Variants in CNTNAP4 observed in about 807,000 individuals in gnomAD.
CNTNAP4 encodes contactin-associated protein-like 4.
In CNTNAP4, 98 loss-of-function variants were observed where a neutral mutation model predicts 148.4. That is an observed-to-expected ratio of 0.66 (90% confidence interval 0.56 to 0.78). CNTNAP4 has a LOEUF of 0.78. Among genes scored for constraint, CNTNAP4 ranks in the 30% least tolerant of loss-of-function variants. CNTNAP4 has a pLI of 0.00. For synonymous variants in CNTNAP4, 730 were observed against 565.1 expected (o/e 1.29, Z -4.14); for missense variants, 1,935 against 1,565.6 (o/e 1.24, Z -3.98).
At chr16:76,512,089 G>T (rs1339838960) in intron 15 of CNTNAP4, among the ~76,000 whole-genome samples, 1 of 152,070 alleles carries the variant, frequency 6.6e-6, no homozygotes, top group East Asian at 1.9e-4. Flanking sequence ...ACAGAAATGG[G>T]GTGTAGATGG....
chr16:76,362,386 A>G (rs896754736), intron 3 of CNTNAP4, among the ~76,000 whole-genome samples: 1 of 152,224 alleles, frequency 6.6e-6, no homozygotes, highest in African/African-American at 2.4e-5. Context: ...ATTTTGTTAC[A>G]GAAATAGAAA....
At chr16:76,330,578 A>C (rs1467427245) in intron 2 of CNTNAP4, among the ~76,000 whole-genome samples, 1 of 152,216 alleles carries the variant, frequency 6.6e-6, no homozygotes, top group Non-Finnish European at 1.5e-5. Flanking sequence ...AAAAGGTGTA[A>C]AAATTCACAA....
At chr16:76,367,311 T>G (rs752774303) in intron 3 of CNTNAP4, among the ~76,000 whole-genome samples, 10 of 151,906 alleles carry the variant, frequency 6.6e-5, no homozygotes, top group Non-Finnish European at 1.3e-4. Flanking sequence ...GAAAAAAGTA[T>G]TAAAAGAAAA....
At chr16:76,288,442 T>A (rs1250885912) in intron 1 of CNTNAP4, among the ~76,000 whole-genome samples, 1 of 152,168 alleles carries the variant, frequency 6.6e-6, no homozygotes, top group Non-Finnish European at 1.5e-5. Flanking sequence ...GCATCTGTTG[T>A]TCCCTTTGCG....
At chr16:76,334,300 T>TG (rs1963827448) in intron 2 of CNTNAP4, among the ~76,000 whole-genome samples, 1 of 152,040 alleles carries the variant, frequency 6.6e-6, no homozygotes, top group Non-Finnish European at 1.5e-5. Context: ...TAGAAACTAG[T>TG]GGAAAAAAAG....
intron 2 of CNTNAP4, among the ~76,000 whole-genome samples, chr16:76,352,848 G>T (rs1457145346): frequency 6.6e-6 from 1 of 152,102 alleles, no homozygotes; most frequent in Non-Finnish European, 1.5e-5. Context: ...TTTAAAGTGT[G>T]CTTCAGATCA....
chr16:76,394,347 C>T (rs775536243), intron 3 of CNTNAP4, among the ~76,000 whole-genome samples: 20 of 152,058 alleles, frequency 1.3e-4, no homozygotes, highest in Non-Finnish European at 2.2e-4. Flanking sequence ...TACACTCACA[C>T]GTACACACTT....
intron 2 of CNTNAP4, among the ~76,000 whole-genome samples, chr16:76,333,013 C>T (rs1052479705): frequency 4.6e-5 from 7 of 152,198 alleles, no homozygotes; most frequent in African/African-American, 1.2e-4. Context: ...CCCTTTCTTA[C>T]ACATGTATTC....
At chr16:76,443,986 A>T (rs974977817) in intron 4 of CNTNAP4, among the ~76,000 whole-genome samples, 1 of 152,212 alleles carries the variant, frequency 6.6e-6, no homozygotes, top group Non-Finnish European at 1.5e-5. Context: ...TTCAAAACAT[A>T]AAAACATAAC....
intron 11 of CNTNAP4, 147 bp downstream of exon 11, chr16:76,476,192 A>T: frequency 3.5e-6 from 2 of 568,976 alleles, no homozygotes; most frequent in East Asian, 2.9e-5. Context: ...AGTCGTCAAG[A>T]TAGCCTATAA....
rs1461278892 is a variant in CNTNAP4 at position 76,448,903 on chromosome 16, T to A, written c.879T>A (p.His293Gln). 2.5e-6 allele frequency: 4 copies of A among 1,613,724 alleles called. No homozygotes were observed. Among genetic ancestry groups the A allele is most frequent in the Non-Finnish European group, 3.4e-6 (4 of 1,179,866 alleles). The change falls in exon 6 of 24, where the codon CAT becomes CAA. Residue 293 changes from histidine to glutamine, a missense_variant. Coordinates refer to ENST00000611870, the MANE Select transcript of CNTNAP4 (RefSeq NM_033401.5). ...ACTTCACAGTGGACGAACACAGGCA[T>A]CATTTCCATGCACGGGGAGAATTCA... ...QVNFTVDEHRHHFHARGEFNL... is the reference protein window; with the variant it reads ...QVNFTVDEHRQHFHARGEFNL...
rs756575759 is a variant in CNTNAP4 at position 76,448,782 on chromosome 16, C to G, written c.758C>G (p.Pro253Arg). 7.5e-6 allele frequency: 12 copies of G among 1,607,522 alleles called. No homozygotes were observed. The African/African-American group carries it at 1.5e-4, about 20-fold the overall frequency. The stretch of plus-strand genomic sequence containing the variant: ...CTCTTCTAAGGTGAAGCTAAACTGC[C>G]TTCCACTTCCACCCTGGTCAATCTC... ...LLINSGEAKL[P>R]STSTLVNLTL... Residue 253 changes from proline (P) to arginine (R), a missense_variant, in exon 6 of 24, where the codon CCT (proline) becomes CGT (arginine). By Grantham distance (103) the Pro-to-Arg change is moderately radical. Coordinates refer to ENST00000611870, the MANE Select transcript of CNTNAP4 (RefSeq NM_033401.5).
At chr16:76,542,287 A>G (rs974612986) in intron 21 of CNTNAP4, among the ~76,000 whole-genome samples, 5 of 152,192 alleles carry the variant, frequency 3.3e-5, no homozygotes, top group Admixed American at 2.0e-4. Context: ...GAGACTATTC[A>G]GCTCTGGGTA....
At chr16:76,549,413 G>A (rs1192235923) in intron 21 of CNTNAP4, among the ~76,000 whole-genome samples, 1 of 152,074 alleles carries the variant, frequency 6.6e-6, no homozygotes, top group Admixed American at 6.5e-5. Flanking sequence ...CTGTCTACTT[G>A]CCCTGGGTGT....
rs534666839 is a variant in CNTNAP4, at chr16:76,559,379, G to T, written c.*696G>T. ...TTAACAAGACTCAGAAAGTGCAGTG[G>T]TTGTTAGTATGTAATGTCTTTCCTT... is the stretch of plus-strand genomic sequence containing the variant. On this transcript the variant is annotated 3_prime_UTR_variant, in exon 24 of 24. Coordinates refer to ENST00000611870, the MANE Select transcript of CNTNAP4 (RefSeq NM_033401.5). 2 of 151,816 alleles carry T rather than the reference G, an allele frequency of 1.3e-5. No individual in the cohort carries two copies. Among genetic ancestry groups the T allele is most frequent in the Non-Finnish European group, 1.5e-5 (1 of 67,956 alleles). The allele number at this position is 151,816 out of a possible 1,614,324, so 9.4% of individuals were successfully genotyped here.
Position 76,560,501 on chromosome 16 carries a change from C to G in CNTNAP4, c.*1818C>G, listed in dbSNP as rs1340016210. On this transcript the variant is annotated 3_prime_UTR_variant, in exon 24 of 24. Coordinates refer to ENST00000611870, the MANE Select transcript of CNTNAP4 (RefSeq NM_033401.5). ...TAGAAATGGCATTATTTATTCGATG[C>G]AAAGCTGAGTGCAAACATCATTATA... Among the ~76,000 whole-genome samples the G allele has an allele frequency of 6.6e-6, 1 of 152,158 alleles. No individual in the cohort carries two copies. Among genetic ancestry groups the G allele is most frequent in the African/African-American group, 2.4e-5 (1 of 41,452 alleles).
chr16:76,482,809 G>A (rs1269723802), intron 12 of CNTNAP4, among the ~76,000 whole-genome samples: 2 of 152,166 alleles, frequency 1.3e-5, no homozygotes, highest in East Asian at 3.9e-4. Context: ...TGCAACCACT[G>A]AGTTGGGCCA....
chr16:76,398,160 A>G (rs2078278972), intron 3 of CNTNAP4, among the ~76,000 whole-genome samples: 1 of 151,010 alleles, frequency 6.6e-6, no homozygotes, highest in Non-Finnish European at 1.5e-5. Context: ...GCCAGAGACT[A>G]AACCAGTCTA....
At position 76,462,114 on chromosome 16, in the gene CNTNAP4, A is replaced by G; in HGVS notation, c.1483+9A>G. ...CACCTATTATTTTGGAGGTAAGAAT[A>G]GGTGCCAGGCTCTATGAGCAACTGA... On this transcript the variant is annotated intron_variant, in intron 9 of 23. Coordinates refer to ENST00000611870, the MANE Select transcript of CNTNAP4 (RefSeq NM_033401.5). The G allele has an allele frequency of 6.2e-7, 1 of 1,611,340 alleles. No homozygotes were observed. Among genetic ancestry groups the G allele is most frequent in the Non-Finnish European group, 8.5e-7 (1 of 1,178,442 alleles).
Sources: allele counts gnomAD v4.1 joint callset (sites outside exome capture counted in the v4.1 genomes callset), GRCh38; gene constraint gnomAD v4.1.1; transcripts MANE v1.5; gene names NCBI Gene and HGNC (gene_info 2026-07-23, HGNC 2026-07-21).